CEP76: variants seen among roughly 807,000 people sequenced by gnomAD.
CEP76 encodes the protein centrosomal protein 76, also known as centrosomal protein of 76 kDa.
A neutral mutation model predicts 83.3 loss-of-function variants in CEP76; 55 were observed. The observed-to-expected ratio is 0.66, with a 90% CI of 0.53 to 0.83. The LOEUF (loss-of-function observed/expected upper bound fraction) is 0.83. CEP76 is among the 40% of genes least tolerant of loss of function. CEP76 has a pLI of 0.00. For synonymous variants in CEP76, 270 were observed against 274.5 expected (o/e 0.98, Z 0.16); for missense variants, 694 against 799.5 (o/e 0.87, Z 1.59).
rs765652085 is a variant in CEP76, at chr18:12,683,186, C to CAAAAAAAAAAAAAAAAAA, written c.1123-2376_1123-2359dup. 1.7e-3 allele frequency among the ~76,000 whole-genome samples: 110 copies of CAAAAAAAAAAAAAAAAAA among 63,652 alleles called. 6 individuals are homozygous for CAAAAAAAAAAAAAAAAAA. The highest frequency in any genetic ancestry group is 5.9e-3 in the African/African-American group (100 of 16,984). The allele number at this position is 63,652 out of a possible 152,430, so 41.8% of individuals were successfully genotyped here. ...GAAACCCCATCTCTACTAAAAATAC[C>CAAAAAAAAAAAAAAAAAA]AAAAAAAAAAAAAAAAAAGCCAGGC... On this transcript the variant is annotated intron_variant, in intron 8 of 11. Transcript: ENST00000262127.
chr18:12,699,011 C>A lies in CEP76; in HGVS notation c.488G>T (p.Gly163Val). The A allele has an allele frequency of 1.2e-6, 2 of 1,613,212 alleles. No individual in the cohort carries two copies. Among genetic ancestry groups the A allele is most frequent in the Non-Finnish European group, 8.5e-7 (1 of 1,179,448 alleles). ...TTCTCTGTGTACTTCAAGTAAAAAGCCATCATGAAAATCTGGTTCACAGGC... is the reference window on the plus strand; with the variant it reads ...TTCTCTGTGTACTTCAAGTAAAAAGACATCATGAAAATCTGGTTCACAGGC... ...PCACEPDFHD[G>V]FLLEVHRESL... The change falls in exon 4 of 12, where the codon GGC becomes GTC. Residue 163 changes from glycine to valine, a missense_variant. Coordinates refer to ENST00000262127, the MANE Select transcript of CEP76 (RefSeq NM_024899.4).
intron 8 of CEP76, among the ~76,000 whole-genome samples, chr18:12,683,458 T>C (rs1293229781): frequency 6.6e-6 from 1 of 151,650 alleles, no homozygotes; most frequent in Non-Finnish European, 1.5e-5. Context: ...ATTTTGTATA[T>C]TGACTCAAGG....
chr18:12,667,901 A>G (rs2038837886), downstream of CEP76, among the ~76,000 whole-genome samples: 1 of 149,938 alleles, frequency 6.7e-6, no homozygotes, highest in African/African-American at 2.5e-5. Context: ...AGGGAGAAAC[A>G]AAGGGGGAAA....
chr18:12,662,418 C>T (rs1335212036), intron 12 of CEP76, among the ~76,000 whole-genome samples: 3 of 152,204 alleles, frequency 2.0e-5, no homozygotes, highest in Admixed American at 6.5e-5. Context: ...GAATTCAGGC[C>T]TCCTGACCAG....
intron 10 of CEP76, among the ~76,000 whole-genome samples, chr18:12,674,962 C>T (rs142244953): frequency 1.3e-5 from 2 of 152,050 alleles, no homozygotes; most frequent in African/African-American, 4.8e-5. Context: ...TTTAGAGAAA[C>T]AACCAAAAAA....
downstream of CEP76, among the ~76,000 whole-genome samples, chr18:12,672,188 C>T (rs62095976): frequency 4.6e-3 from 701 of 151,022 alleles, 4 homozygotes; most frequent in South Asian, 0.01. Context: ...GATCTCACCT[C>T]ACTGCAACCT....
chr18:12,677,267 C>G (rs2039169219), intron 10 of CEP76, among the ~76,000 whole-genome samples: 1 of 151,790 alleles, frequency 6.6e-6, no homozygotes, highest in Non-Finnish European at 1.5e-5. Flanking sequence ...TGGTGAAACC[C>G]TATCTCTACA....
intron 5 of CEP76, among the ~76,000 whole-genome samples, chr18:12,695,707 A>C (rs1269634738): frequency 1.3e-5 from 2 of 152,058 alleles, no homozygotes; most frequent in African/African-American, 2.4e-5. Context: ...GAGCCACTAC[A>C]CCTGGCTTTT....
chr18:12,676,852 G>A (rs941378308), intron 10 of CEP76, among the ~76,000 whole-genome samples: 1 of 152,218 alleles, frequency 6.6e-6, no homozygotes, highest in Non-Finnish European at 1.5e-5. Context: ...CAGAGAACAT[G>A]TTTGATAAAT....
chr18:12,699,036 C>T lies in CEP76; in HGVS notation c.463G>A (p.Ala155Thr). 6.2e-7 allele frequency: 1 copy of T among 1,613,912 alleles called. No homozygotes were observed. Among genetic ancestry groups the T allele is most frequent in the Non-Finnish European group, 8.5e-7 (1 of 1,179,898 alleles). ...QRFRSKPVPC[A>T]CEPDFHDGFL... ...CCATCATGAAAATCTGGTTCACAGG[C>T]ACATGGAACAGGTTTAGAACGAAAA... The change falls in exon 4 of 12, where the codon GCC becomes ACC. Residue 155 changes from alanine (A) to threonine (T), a missense_variant. By Grantham distance (58) the Ala-to-Thr change is moderately conservative. Transcript: ENST00000262127.
chr18:12,675,950 T>C lies in CEP76; in HGVS notation c.1624-1197A>G, dbSNP rs2039115006. Among the ~76,000 whole-genome samples the C allele has an allele frequency of 3.9e-5, 6 of 152,242 alleles. No individual in the cohort carries two copies. The South Asian group carries it at 1.2e-3, about 32-fold the overall frequency. On this transcript the variant is annotated intron_variant, in intron 10 of 11. Coordinates refer to ENST00000262127, the MANE Select transcript of CEP76 (RefSeq NM_024899.4). Reference sequence around the variant, plus strand: ...TCCCAAAGTGCTGGGATTACAGGCATAAGCCACCGTGCCCAGCCCATGATT... The same window carrying C: ...TCCCAAAGTGCTGGGATTACAGGCACAAGCCACCGTGCCCAGCCCATGATT...
At chr18:12,664,107 G>GC (rs1450092101) in intron 12 of CEP76, among the ~76,000 whole-genome samples, 3 of 152,118 alleles carry the variant, frequency 2.0e-5, no homozygotes, top group Admixed American at 1.3e-4. Flanking sequence ...GGTGGTTGCG[G>GC]TGAGCCGAGA....
intron 4 of CEP76, 96 bp downstream of exon 4, chr18:12,698,882 TA>T: frequency 1.2e-6 from 1 of 848,466 alleles, no homozygotes; most frequent in Non-Finnish European, 1.8e-6. Context: ...TCCTCCATTA[TA>T]AATCTCTCCT....
At chr18:12,672,462 T>C (rs746592434), downstream of CEP76, among the ~76,000 whole-genome samples, 3 of 152,168 alleles carry the variant, frequency 2.0e-5, no homozygotes, top group Non-Finnish European at 4.4e-5. Context: ...AAAATCAGTA[T>C]GGAATCACTC....
intron 12 of CEP76, among the ~76,000 whole-genome samples, chr18:12,664,613 G>A (rs1328044713): frequency 6.6e-6 from 1 of 152,008 alleles, no homozygotes; most frequent in African/African-American, 2.4e-5. Flanking sequence ...TCAAATTCCT[G>A]GGCTCAAGGG....
chr18:12,668,360 G>C (rs2038848534), downstream of CEP76, among the ~76,000 whole-genome samples: 2 of 151,908 alleles, frequency 1.3e-5, no homozygotes, highest in South Asian at 4.2e-4. Context: ...GGGAACCCGA[G>C]GTGGGCAGAT....
At chr18:12,669,878 T>C (rs1195675568), downstream of CEP76, among the ~76,000 whole-genome samples, 1 of 151,182 alleles carries the variant, frequency 6.6e-6, no homozygotes, top group Non-Finnish European at 1.5e-5. Flanking sequence ...ATGCCTGTAA[T>C]CCCAGCTACT....
At chr18:12,680,571 T>TG (rs2039309177) in intron 9 of CEP76, 91 bp downstream of exon 9, 1 of 959,952 alleles carries the variant, frequency 1.0e-6, no homozygotes, top group African/African-American at 1.9e-5. Flanking sequence ...CACTCCAGCC[T>TG]GGGCGACAGA....
rs2039060025 is a variant in CEP76 at position 12,674,756 on chromosome 18, A to G, written c.1624-3T>C. The G allele has an allele frequency of 1.9e-6, 3 of 1,590,140 alleles. No homozygotes were observed. Among genetic ancestry groups the G allele is most frequent in the Non-Finnish European group, 8.6e-7 (1 of 1,167,444 alleles). On this transcript the variant is annotated splice_region_variant and splice_polypyrimidine_tract_variant and intron_variant, in intron 10 of 11. Coordinates refer to ENST00000262127, the MANE Select transcript of CEP76 (RefSeq NM_024899.4). Reference sequence around the variant, plus strand: ...CAAACAGTAGTGAGGCCAAGATCCTATGAGCAATCAAGAGAAAAAGAAAAA... The same window carrying G: ...CAAACAGTAGTGAGGCCAAGATCCTGTGAGCAATCAAGAGAAAAAGAAAAA...
Sources: allele counts gnomAD v4.1 joint callset (sites outside exome capture counted in the v4.1 genomes callset), GRCh38; gene constraint gnomAD v4.1.1; transcripts MANE v1.5; gene names NCBI Gene and HGNC (gene_info 2026-07-23, HGNC 2026-07-21).